ITGA4: variants seen among roughly 807,000 people sequenced by gnomAD.
ITGA4 encodes the protein integrin alpha-4.
In ITGA4, 63 loss-of-function variants were observed where a neutral mutation model predicts 133.6. The ratio of observed to expected loss-of-function variants is 0.47; its 90% confidence interval spans 0.38 to 0.58. The LOEUF (loss-of-function observed/expected upper bound fraction) is 0.58. Among genes scored for constraint, ITGA4 ranks in the 20% least tolerant of loss-of-function variants. ITGA4 has a pLI of 0.00. For missense variants in ITGA4, 1,076 were observed against 1,252.7 expected, an observed-to-expected ratio of 0.86 and a Z score of 2.13; for synonymous variants, 483 against 438.0, an observed-to-expected ratio of 1.10 and a Z score of -1.28.
rs1559063631 is a variant in ITGA4 at position 181,537,410 on chromosome 2, A to G, written c.*1883A>G. The G allele has an allele frequency of 6.6e-6, 3 of 453,980 alleles. No homozygotes were observed. Among genetic ancestry groups the G allele is most frequent in the Non-Finnish European group, 1.3e-5 (3 of 226,740 alleles). The allele number at this position is 453,980 out of a possible 1,614,324, so 28.1% of individuals were successfully genotyped here. A position where few individuals can be genotyped will look rare whatever the true frequency, so the allele number is the denominator to read the frequency against. ...TAGATTTTGCCCAGTTCAAAATAGT[A>G]TTTGTTATCAACTTACTTTGTTACT... On this transcript the variant is annotated 3_prime_UTR_variant, in exon 28 of 28. Coordinates refer to ENST00000397033, the MANE Select transcript of ITGA4 (RefSeq NM_000885.6).
Position 181,495,649 on chromosome 2 carries a change from T to G in ITGA4, c.1386-134T>G. On this transcript the variant is annotated intron_variant, in intron 13 of 27. Transcript: ENST00000397033. The surrounding 1 kb of genome is among the most constrained non-coding windows in gnomAD (Gnocchi z 4.3). ...AGTTATTTTGCCCTGTGCACAGAAA[T>G]GTAATTAGTATGTACACACATAATA... 1 of 757,450 alleles carries G rather than the reference T, an allele frequency of 1.3e-6. No individual in the cohort carries two copies. 46.9% of individuals were successfully genotyped at this position (757,450 alleles called of 1,614,324 possible).
intron 10 of ITGA4, 77 bp from the exon 11 acceptor site, chr2:181,493,247 AG>A (rs1686092002): frequency 1.2e-6 from 1 of 836,232 alleles, no homozygotes; most frequent in African/African-American, 1.7e-5. Context: ...ATATGAATTA[AG>A]GTTCATAAGG....
At chr2:181,504,271 C>T (rs1023492521) in intron 15 of ITGA4, among the ~76,000 whole-genome samples, 1 of 151,928 alleles carries the variant, frequency 6.6e-6, no homozygotes, top group Non-Finnish European at 1.5e-5. Context: ...TTAGTTAATT[C>T]TTTTCTTTGA....
intron 2 of ITGA4, among the ~76,000 whole-genome samples, chr2:181,473,862 A>G (rs1685612064): frequency 6.6e-6 from 1 of 152,194 alleles, no homozygotes; most frequent in South Asian, 2.1e-4. Flanking sequence ...CCAGGAAGCT[A>G]CATTTAGGGG....
At chr2:181,500,058 A>C (rs1349672002) in intron 15 of ITGA4, among the ~76,000 whole-genome samples, 1 of 152,176 alleles carries the variant, frequency 6.6e-6, no homozygotes, top group Non-Finnish European at 1.5e-5. Context: ...TAGTGTTACC[A>C]TGGCTTTGAT....
At position 181,509,792 on chromosome 2, in the gene ITGA4, CATA is replaced by C. The variant is rs1559051511; in HGVS notation, c.1833_1835del (p.Ile611del). The C allele has an allele frequency of 6.2e-7, 1 of 1,603,668 alleles. No homozygotes were observed. The highest frequency in any genetic ancestry group is 1.7e-5 in the Admixed American group (1 of 58,422). On this transcript the variant is annotated inframe_deletion, in exon 16 of 28. Transcript: ENST00000397033. ...TTCTTCAGCAGAAGAAAGAAAAAGA[CATA>C]ATGAAAAAAACAGTAGGAATATTTT...
chr2:181,489,521 TCTGA>T, intron 10 of ITGA4, among the ~76,000 whole-genome samples: 1 of 105,836 alleles, frequency 9.4e-6, no homozygotes, highest in East Asian at 2.6e-4. Flanking sequence ...AGCCTTATTA[TCTGA>T]CTTTTAGACT....
At chr2:181,458,131 G>T (rs1214954744) in intron 1 of ITGA4, 65 bp from the exon 2 acceptor site, 4 of 1,606,432 alleles carry the variant, frequency 2.5e-6, no homozygotes, top group Admixed American at 1.7e-5. Context: ...CACATCTGTG[G>T]CGACAGGGAG....
At chr2:181,530,731 C>T in intron 24 of ITGA4, 82 bp downstream of exon 24, 4 of 1,224,696 alleles carry the variant, frequency 3.3e-6, no homozygotes, top group Non-Finnish European at 4.7e-6. Context: ...TGGGTTTGAG[C>T]TGTCACTTCA....
intron 9 of ITGA4, among the ~76,000 whole-genome samples, chr2:181,484,223 C>T (rs1462402089): frequency 6.6e-6 from 1 of 152,100 alleles, no homozygotes; most frequent in Non-Finnish European, 1.5e-5. Context: ...TTGGAAGAGT[C>T]CTAGACAAGT....
Position 181,526,821 on chromosome 2 carries a change from C to CTTT in ITGA4, c.2340-446_2340-444dup, listed in dbSNP as rs538208494. ...TGTCACCCAGGTCAGAGCACATGGC[C>CTTT]TTTTTTTTTTTTTTTTTTTTTTTTT... is the stretch of plus-strand genomic sequence containing the variant. On this transcript the variant is annotated intron_variant, in intron 21 of 27. Coordinates refer to ENST00000397033, the MANE Select transcript of ITGA4 (RefSeq NM_000885.6). Among the ~76,000 whole-genome samples the CTTT allele has an allele frequency of 3.8e-3, 154 of 41,000 alleles. 40 individuals are homozygous for CTTT. Among genetic ancestry groups the CTTT allele is most frequent in the South Asian group, 0.016 (10 of 628 alleles). 26.9% of individuals were successfully genotyped at this position (41,000 alleles called of 152,430 possible).
At chr2:181,528,825 T>C (rs1686885252) in intron 22 of ITGA4, among the ~76,000 whole-genome samples, 1 of 152,182 alleles carries the variant, frequency 6.6e-6, no homozygotes, top group African/African-American at 2.4e-5. Context: ...AAGCTGCCAG[T>C]TCAGTAGGCT....
At chr2:181,530,789 A>G in intron 24 of ITGA4, 140 bp downstream of exon 24, 1 of 740,260 alleles carries the variant, frequency 1.4e-6, no homozygotes, top group South Asian at 1.9e-5. Context: ...CGTGGAAGGA[A>G]CAAGCATGGT....
At position 181,538,209 on chromosome 2, in the gene ITGA4, C is replaced by T. The variant is rs1450685972; in HGVS notation, c.*2682C>T. 2 of 1,586,878 alleles carry T rather than the reference C, an allele frequency of 1.3e-6. No homozygotes were observed. The highest frequency in any genetic ancestry group is 1.7e-6 in the Non-Finnish European group (2 of 1,156,348). On this transcript the variant is annotated 3_prime_UTR_variant, in exon 28 of 28. Transcript: ENST00000397033. ...TTACTTTGGAATCATTTCTTCCATGCTTCCTCCATAAAGACTGATAAGTCT... is the reference window on the plus strand; with the variant it reads ...TTACTTTGGAATCATTTCTTCCATGTTTCCTCCATAAAGACTGATAAGTCT...
At chr2:181,478,234 GA>G (rs1307167130) in intron 4 of ITGA4, among the ~76,000 whole-genome samples, 2 of 152,076 alleles carry the variant, frequency 1.3e-5, no homozygotes, top group Non-Finnish European at 2.9e-5. Context: ...GTTGGTGAAA[GA>G]TGTTGGCATT....
intron 14 of ITGA4, among the ~76,000 whole-genome samples, chr2:181,497,336 G>A (rs188031632): frequency 2.0e-5 from 3 of 152,208 alleles, no homozygotes; most frequent in East Asian, 3.9e-4. Flanking sequence ...ATCATAAAAT[G>A]ACTCCCAGGA....
chr2:181,477,628 T>C (rs1685705817), intron 4 of ITGA4, among the ~76,000 whole-genome samples: 1 of 152,040 alleles, frequency 6.6e-6, no homozygotes, highest in Non-Finnish European at 1.5e-5. Context: ...GAAATGCAAA[T>C]TACAAACCAC....
At chr2:181,511,864 A>G in intron 17 of ITGA4, 89 bp downstream of exon 17, 1 of 666,576 alleles carries the variant, frequency 1.5e-6, no homozygotes. Flanking sequence ...AAGGAACAAG[A>G]GCTAACCCTT....
chr2:181,500,111 A>G (rs932847869), intron 15 of ITGA4, among the ~76,000 whole-genome samples: 5 of 152,236 alleles, frequency 3.3e-5, no homozygotes, highest in Non-Finnish European at 7.3e-5. Context: ...TATTGCAAAT[A>G]TTAAATGATA....
Sources: gnomAD v4.1 joint callset for allele counts (sites outside exome capture counted in the v4.1 genomes callset) on GRCh38, gnomAD v4.1.1 for gene constraint, Gnocchi (gnomAD v3.1) non-coding constraint, MANE v1.5 for transcripts, NCBI Gene and HGNC (gene_info 2026-07-23, HGNC 2026-07-21) for gene names.